DIP2B: variants seen among roughly 807,000 people sequenced by gnomAD.
DIP2B encodes the protein disco-interacting protein 2 homolog B.
A neutral mutation model predicts 198.0 loss-of-function variants in DIP2B; 76 were observed. The observed-to-expected ratio is 0.38, with a 90% CI of 0.32 to 0.46. The LOEUF is 0.46. Among genes scored for constraint, DIP2B ranks in the 20% least tolerant of loss-of-function variants. DIP2B has a pLI of 0.99. For missense variants in DIP2B, 1,559 were observed against 1,978.4 expected, an observed-to-expected ratio of 0.79 and a Z score of 4.02; for synonymous variants, 701 against 739.1, an observed-to-expected ratio of 0.95 and a Z score of 0.84.
At chr12:50,575,969 G>C (rs1565830212) in intron 1 of DIP2B, among the ~76,000 whole-genome samples, 1 of 152,068 alleles carries the variant, frequency 6.6e-6, no homozygotes, top group African/African-American at 2.4e-5. Context: ...TGTTGGCCAG[G>C]CTGGTCTCAA....
At chr12:50,542,879 T>C (rs1055447372) in intron 1 of DIP2B, among the ~76,000 whole-genome samples, 1 of 152,224 alleles carries the variant, frequency 6.6e-6, no homozygotes, top group African/African-American at 2.4e-5. Flanking sequence ...TTTTCTTTTT[T>C]ATTTCTTAGA....
intron 27 of DIP2B, 30 bp from the exon 28 acceptor site, chr12:50,724,745 G>C: frequency 6.2e-7 from 1 of 1,606,498 alleles, no homozygotes; most frequent in Non-Finnish European, 8.5e-7. Context: ...TGAGCCTCCT[G>C]ATGCTTATTG....
intron 4 of DIP2B, among the ~76,000 whole-genome samples, chr12:50,661,394 G>A (rs1938644458): frequency 6.6e-6 from 1 of 152,070 alleles, no homozygotes; most frequent in Non-Finnish European, 1.5e-5. Context: ...CCTATTCCCT[G>A]ATCCAGATTA....
intron 1 of DIP2B, among the ~76,000 whole-genome samples, chr12:50,543,836 A>C (rs1312986657): frequency 6.6e-6 from 1 of 150,764 alleles, no homozygotes; most frequent in Non-Finnish European, 1.5e-5. Flanking sequence ...AGGCAGGAGA[A>C]TCACTTGAGC....
At position 50,628,989 on chromosome 12, in the gene DIP2B, C is replaced by A. The variant is rs535331593; in HGVS notation, c.172+2942C>A. Among the ~76,000 whole-genome samples, 16 of 152,276 alleles carry A rather than the reference C, an allele frequency of 1.1e-4. No homozygotes were observed. In the South Asian group the frequency reaches 3.3e-3, roughly 32 times the overall value. ...TGCCTCCCAGGCGCAAGTGATCCTCCCGCCTCACCCTCCCAAGTAGCTGGG... is the reference window on the plus strand; with the variant it reads ...TGCCTCCCAGGCGCAAGTGATCCTCACGCCTCACCCTCCCAAGTAGCTGGG... On this transcript the variant is annotated intron_variant, in intron 2 of 37. Coordinates refer to ENST00000301180, the MANE Select transcript of DIP2B (RefSeq NM_173602.3).
chr12:50,612,527 C>G (rs868781444), intron 1 of DIP2B, among the ~76,000 whole-genome samples: 1 of 151,328 alleles, frequency 6.6e-6, no homozygotes, highest in Non-Finnish European at 1.5e-5. Context: ...CTCCCAGGCT[C>G]AAGTGATTCT....
At chr12:50,505,334 G>A (rs1053306994) in intron 1 of DIP2B, 94 bp downstream of exon 1, 1 of 1,042,846 alleles carries the variant, frequency 9.6e-7, no homozygotes, top group Non-Finnish European at 1.3e-6. Flanking sequence ...CGGCCGTGCG[G>A]CGAGGGGGAC....
chr12:50,603,363 C>T (rs940561663), intron 1 of DIP2B, among the ~76,000 whole-genome samples: 5 of 152,052 alleles, frequency 3.3e-5, no homozygotes, highest in African/African-American at 1.2e-4. Context: ...AAAAATATCA[C>T]AGTGTAAGAA....
At chr12:50,646,101 T>C (rs1233830710) in intron 3 of DIP2B, among the ~76,000 whole-genome samples, 2 of 152,088 alleles carry the variant, frequency 1.3e-5, no homozygotes, top group Non-Finnish European at 2.9e-5. Flanking sequence ...TTTTAAGGTC[T>C]TAATTATTGT....
chr12:50,615,282 G>T (rs1048158007), intron 1 of DIP2B, among the ~76,000 whole-genome samples: 3 of 151,766 alleles, frequency 2.0e-5, no homozygotes, highest in Non-Finnish European at 4.4e-5. Flanking sequence ...TTTTCTAGAA[G>T]TTTGGCAACA....
Position 50,724,889 on chromosome 12 carries a change from G to GA in DIP2B, c.3400+6dup, listed in dbSNP as rs1177500299. 3 of 1,613,800 alleles carry GA rather than the reference G, an allele frequency of 1.9e-6. No homozygotes were observed. The highest frequency in any genetic ancestry group is 2.7e-5 in the African/African-American group (2 of 74,928). ...CTGGCCAACCATCATTGACACAGGTGAAAGGGAGACTTCTTCTGAGGGTGG... is the reference window on the plus strand; with the variant it reads ...CTGGCCAACCATCATTGACACAGGTGAAAAGGGAGACTTCTTCTGAGGGTGG... On this transcript the variant is annotated splice_donor_region_variant and intron_variant, in intron 28 of 37. Transcript: ENST00000301180.
In DIP2B at chr12:50,505,000, A is replaced by ATGG; in HGVS notation, c.-140_-138dup. ...CGTCGCGCTCACGTGACCTTTGCTC[A>ATGG]TGGCGGCGGCGGCGGCGGCGGCGGT... is the stretch of plus-strand genomic sequence containing the variant. On this transcript the variant is annotated 5_prime_UTR_variant, in exon 1 of 38. Coordinates refer to ENST00000301180, the MANE Select transcript of DIP2B (RefSeq NM_173602.3). 1 of 544,578 alleles carries ATGG rather than the reference A, an allele frequency of 1.8e-6. No individual in the cohort carries two copies. The highest frequency in any genetic ancestry group is 3.2e-6 in the Non-Finnish European group (1 of 314,360). The allele number at this position is 544,578 out of a possible 1,614,324, so 33.7% of individuals were successfully genotyped here.
chr12:50,608,023 C>T (rs1266928161), intron 1 of DIP2B, among the ~76,000 whole-genome samples: 1 of 152,120 alleles, frequency 6.6e-6, no homozygotes, highest in Non-Finnish European at 1.5e-5. Flanking sequence ...AAACTCCTGA[C>T]CTCTGGTGAT....
At chr12:50,534,681 A>G (rs781462477) in intron 1 of DIP2B, among the ~76,000 whole-genome samples, 9 of 152,146 alleles carry the variant, frequency 5.9e-5, no homozygotes, top group East Asian at 1.9e-4. Flanking sequence ...GTTTTTAGAG[A>G]AATCAACTGG....
chr12:50,554,829 G>A (rs1411083792), intron 1 of DIP2B, among the ~76,000 whole-genome samples: 3 of 149,600 alleles, frequency 2.0e-5, no homozygotes, highest in South Asian at 2.1e-4. Flanking sequence ...ATGCAGTGGC[G>A]CCATCTCGAC....
chr12:50,525,201 C>CA (rs1291187769), intron 1 of DIP2B, among the ~76,000 whole-genome samples: 6 of 151,794 alleles, frequency 4.0e-5, no homozygotes, highest in African/African-American at 1.2e-4. Context: ...ACTAAAAATA[C>CA]AAAAAAATTA....
At chr12:50,540,975 T>G (rs966973611) in intron 1 of DIP2B, among the ~76,000 whole-genome samples, 1 of 152,204 alleles carries the variant, frequency 6.6e-6, no homozygotes, top group African/African-American at 2.4e-5. Context: ...TAAAAAATTC[T>G]TTTATAGACG....
In DIP2B at chr12:50,640,828, G is replaced by A. The variant is rs1405003499; in HGVS notation, c.277G>A (p.Ala93Thr). ...GTACCACCGAACTCGATCTGGGGGA[G>A]CCAGGGATGAACGATATCGATCAGG... ...SKYHRTRSGG[A>T]RDERYRSDIH... is the part of the protein sequence containing the mutation. Residue 93 changes from alanine to threonine, a missense_variant, in exon 3 of 38, where the codon GCC (alanine) becomes ACC (threonine). Ala to Thr is a moderately conservative substitution (Grantham distance 58, BLOSUM62 0). Transcript: ENST00000301180. 1 of 1,613,810 alleles carries A rather than the reference G, an allele frequency of 6.2e-7. No homozygotes were observed. Among genetic ancestry groups the A allele is most frequent in the East Asian group, 2.2e-5 (1 of 44,892 alleles).
intron 1 of DIP2B, among the ~76,000 whole-genome samples, chr12:50,578,456 C>A (rs964049619): frequency 2.0e-5 from 3 of 151,594 alleles, no homozygotes; most frequent in Admixed American, 1.3e-4. Flanking sequence ...AAAAACCACG[C>A]CTGGCCCTAA....
Sources: allele counts gnomAD v4.1 joint callset (sites outside exome capture counted in the v4.1 genomes callset), GRCh38; gene constraint gnomAD v4.1.1; transcripts MANE v1.5; gene names NCBI Gene and HGNC (gene_info 2026-07-23, HGNC 2026-07-21).